Variants in DLG2 observed in about 807,000 individuals in gnomAD.
The protein encoded by DLG2 is discs large MAGUK scaffold protein 2.
DLG2 carries 45 observed loss-of-function variants against 132.5 expected under a neutral mutation model. The observed-to-expected ratio is 0.34, with a 90% CI of 0.27 to 0.44. The LOEUF (loss-of-function observed/expected upper bound fraction) is 0.44. Among genes scored for constraint, DLG2 ranks in the 20% least tolerant of loss-of-function variants. The pLI is 1.00. For missense variants in DLG2, 1,045 were observed against 1,196.9 expected (o/e 0.87, Z 1.87); for synonymous variants, 424 against 419.6 (o/e 1.01, Z -0.13).
At chr11:85,041,239 A>G (rs1432634893) in intron 6 of DLG2, among the ~76,000 whole-genome samples, 1 of 151,986 alleles carries the variant, frequency 6.6e-6, no homozygotes, top group African/African-American at 2.4e-5. Flanking sequence ...ACTATAAGAT[A>G]TAAAAAGAGA....
chr11:84,347,183 T>C (rs1242252599), intron 7 of DLG2, among the ~76,000 whole-genome samples: 1 of 151,930 alleles, frequency 6.6e-6, no homozygotes, highest in Admixed American at 6.6e-5. Context: ...TTGGCAGTAA[T>C]TGGTTAGGGT....
intron 19 of DLG2, among the ~76,000 whole-genome samples, chr11:83,599,877 G>T (rs139800159): frequency 1.3e-5 from 2 of 152,238 alleles, no homozygotes; most frequent in Admixed American, 1.3e-4. Flanking sequence ...TTGCATGAGG[G>T]GCTGTAGAGA....
intron 7 of DLG2, among the ~76,000 whole-genome samples, chr11:84,517,967 G>A (rs1465285057): frequency 6.6e-6 from 1 of 151,926 alleles, no homozygotes; most frequent in Non-Finnish European, 1.5e-5. Context: ...TAGAAGTAGA[G>A]AGTAGAAAGG....
intron 18 of DLG2, among the ~76,000 whole-genome samples, chr11:83,752,162 T>C (rs1593642811): frequency 6.6e-6 from 1 of 151,418 alleles, no homozygotes; most frequent in Admixed American, 6.6e-5. Context: ...CAGCTACTCA[T>C]GAGGCTGAGG....
At position 84,102,301 on chromosome 11, in the gene DLG2, C is replaced by T. The variant is rs556020594; in HGVS notation, c.625-3254G>A. On this transcript the variant is annotated intron_variant, in intron 9 of 27. Transcript: ENST00000376104. ...AAGGCAGGAACTGTGTAGTATTCAT[C>T]TTTGTTTTTTTGGAGCCTTGTCTAG... is the stretch of plus-strand genomic sequence containing the variant. Among the ~76,000 whole-genome samples, 25 of 152,130 alleles carry T rather than the reference C, an allele frequency of 1.6e-4. 1 individual carries two copies. The South Asian group carries it at 5.0e-3, about 30-fold the overall frequency.
chr11:85,142,303 T>C (rs745604146), intron 5 of DLG2, among the ~76,000 whole-genome samples: 56 of 151,828 alleles, frequency 3.7e-4, no homozygotes, highest in Admixed American at 9.2e-4. Flanking sequence ...CTAGGCATAT[T>C]ATTTTATTTG....
intron 3 of DLG2, among the ~76,000 whole-genome samples, chr11:85,494,118 T>A (rs1053010705): frequency 4.6e-5 from 7 of 152,184 alleles, no homozygotes; most frequent in African/African-American, 1.7e-4. Context: ...AGAGCCTTCA[T>A]GACTTAATTA....
At chr11:85,037,521 G>A (rs2061520129) in intron 6 of DLG2, among the ~76,000 whole-genome samples, 1 of 152,156 alleles carries the variant, frequency 6.6e-6, no homozygotes, top group South Asian at 2.1e-4. Context: ...ATCCTCAGGA[G>A]AGTATAATGA....
intron 3 of DLG2, among the ~76,000 whole-genome samples, chr11:85,530,224 G>A (rs58930391): frequency 0.07 from 10,663 of 151,902 alleles, 653 homozygotes; most frequent in East Asian, 0.29. Flanking sequence ...TTGAACTCCC[G>A]ACCTCAGGTT....
chr11:84,939,490 T>C (rs2154096562), intron 6 of DLG2, among the ~76,000 whole-genome samples: 1 of 152,258 alleles, frequency 6.6e-6, no homozygotes, highest in South Asian at 2.1e-4. Context: ...AAATACTAGA[T>C]CTTATTCATT....
intron 3 of DLG2, among the ~76,000 whole-genome samples, chr11:85,379,257 A>G (rs1343335558): frequency 6.6e-6 from 1 of 152,122 alleles, no homozygotes; most frequent in Non-Finnish European, 1.5e-5. Flanking sequence ...TCCCTTGCTC[A>G]TACCACCTCA....
intron 6 of DLG2, among the ~76,000 whole-genome samples, chr11:84,535,732 C>T (rs773011436): frequency 1.3e-5 from 2 of 152,058 alleles, no homozygotes; most frequent in Non-Finnish European, 2.9e-5. Flanking sequence ...GGCTGTTGTC[C>T]TACCTGGGAA....
At chr11:83,566,057 A>G (rs1172470324) in intron 19 of DLG2, among the ~76,000 whole-genome samples, 1 of 152,222 alleles carries the variant, frequency 6.6e-6, no homozygotes, top group Non-Finnish European at 1.5e-5. Flanking sequence ...GCACCCACTA[A>G]GATATTTTTG....
At chr11:84,675,854 T>C (rs1164808512) in intron 6 of DLG2, among the ~76,000 whole-genome samples, 1 of 152,106 alleles carries the variant, frequency 6.6e-6, no homozygotes, top group Non-Finnish European at 1.5e-5. Context: ...CCAAAGGATT[T>C]ATGCACAGGG....
chr11:83,624,722 G>A (rs144986877), intron 19 of DLG2, among the ~76,000 whole-genome samples: 28 of 152,268 alleles, frequency 1.8e-4, no homozygotes, highest in African/African-American at 6.5e-4. Context: ...TGACACTCAA[G>A]TTTTAGCAAA....
intron 7 of DLG2, among the ~76,000 whole-genome samples, chr11:84,492,700 C>T (rs928181254): frequency 6.6e-5 from 10 of 152,126 alleles, no homozygotes; most frequent in Non-Finnish European, 1.2e-4. Context: ...TTGTCATCCT[C>T]ATCATCATCC....
intron 6 of DLG2, among the ~76,000 whole-genome samples, chr11:84,575,918 G>A (rs1592726548): frequency 6.6e-6 from 1 of 152,188 alleles, no homozygotes; most frequent in South Asian, 2.1e-4. Flanking sequence ...ACATCCCAGT[G>A]CTCAAGCTTC....
intron 7 of DLG2, among the ~76,000 whole-genome samples, chr11:84,402,740 A>G (rs898019792): frequency 3.5e-4 from 53 of 151,902 alleles, no homozygotes; most frequent in African/African-American, 1.2e-3. Context: ...AAATTAGCCC[A>G]GTGAGGTGGC....
intron 7 of DLG2, among the ~76,000 whole-genome samples, chr11:84,342,657 AC>A (rs1226617869): frequency 6.6e-6 from 1 of 152,186 alleles, no homozygotes; most frequent in Admixed American, 6.5e-5. Flanking sequence ...ACAATACATT[AC>A]CCCAAACCAT....
Sources: gnomAD v4.1 joint callset for allele counts (sites outside exome capture counted in the v4.1 genomes callset) on GRCh38, gnomAD v4.1.1 for gene constraint, MANE v1.5 for transcripts, NCBI Gene and HGNC (gene_info 2026-07-23, HGNC 2026-07-21) for gene names.